Variants in VPS37A observed in about 807,000 individuals in gnomAD.
VPS37A encodes the protein VPS37A subunit of ESCRT-I, also known as vacuolar protein sorting-associated protein 37A.
VPS37A carries 30 observed loss-of-function variants against 49.8 expected under a neutral mutation model. That is an observed-to-expected ratio of 0.60 (90% CI 0.45 to 0.82). The LOEUF (loss-of-function observed/expected upper bound fraction) is 0.82. Ranked by LOEUF, VPS37A falls within the 40% of genes least tolerant of loss-of-function variation. The pLI, the probability that VPS37A is intolerant of heterozygous loss-of-function variation, is 0.00. For missense variants in VPS37A, 593 were observed against 464.4 expected (o/e 1.28, Z -2.55); for synonymous variants, 195 against 160.6 (o/e 1.21, Z -1.62).
chr8:17,268,794 T>C, intron 3 of VPS37A, 62 bp from the exon 4 acceptor site: 1 of 1,120,110 alleles, frequency 8.9e-7, no homozygotes, highest in Non-Finnish European at 1.3e-6. Context: ...GACATTATCC[T>C]AATGAGACTT....
intron 1 of VPS37A, among the ~76,000 whole-genome samples, chr8:17,251,278 C>G (rs1025378369): frequency 6.6e-6 from 1 of 152,190 alleles, no homozygotes; most frequent in African/African-American, 2.4e-5. Context: ...GCAATAGTAA[C>G]AAATGACTGG....
chr8:17,331,532 A>T, the VPS37A span, among the ~76,000 whole-genome samples: 2 of 152,242 alleles, frequency 1.3e-5, no homozygotes, highest in East Asian at 3.8e-4. Context: ...GTCTACTGAT[A>T]AACCCTTCTG....
At position 17,274,175 on chromosome 8, in the gene VPS37A, T is replaced by C. The variant is rs544030589; in HGVS notation, c.417-558T>C. Among the ~76,000 whole-genome samples, 5 of 152,356 alleles carry C rather than the reference T, an allele frequency of 3.3e-5. No homozygotes were observed. The East Asian group carries it at 9.6e-4, about 29-fold the overall frequency. On this transcript the variant is annotated intron_variant, in intron 4 of 11. Transcript: ENST00000324849. The stretch of plus-strand genomic sequence containing the variant: ...TATTGTTCTGTGATTGAATCCAAAG[T>C]ACATAATGCTGTGTGACTCTAATAT...
At chr8:17,263,990 C>A (rs1813205218) in intron 1 of VPS37A, among the ~76,000 whole-genome samples, 1 of 152,152 alleles carries the variant, frequency 6.6e-6, no homozygotes, top group African/African-American at 2.4e-5. Context: ...GAGGGACCAA[C>A]CTCCATGTTC....
intron 4 of VPS37A, among the ~76,000 whole-genome samples, chr8:17,272,970 T>C (rs917613220): frequency 3.3e-5 from 5 of 151,226 alleles, no homozygotes; most frequent in African/African-American, 1.2e-4. Flanking sequence ...AAAATATATA[T>C]AGTATTGTAT....
At chr8:17,268,666 T>A (rs1278789014) in intron 3 of VPS37A, among the ~76,000 whole-genome samples, 190 bp from the exon 4 acceptor site, 1 of 152,174 alleles carries the variant, frequency 6.6e-6, no homozygotes, top group Non-Finnish European at 1.5e-5. Flanking sequence ...TTTAACCTGT[T>A]TACTAATCAC....
rs533516775 is a variant in VPS37A at position 17,296,779 on chromosome 8, A to C, written c.*1793A>C. The C allele has an allele frequency of 3.9e-5, 6 of 152,334 alleles. No individual in the cohort carries two copies. Among genetic ancestry groups the C allele is most frequent in the Non-Finnish European group, 8.8e-5 (6 of 68,014 alleles). The allele number at this position is 152,334 out of a possible 1,614,324, so 9.4% of individuals were successfully genotyped here. A position where few individuals can be genotyped will look rare whatever the true frequency, so the allele number is the denominator to read the frequency against. On this transcript the variant is annotated 3_prime_UTR_variant, in exon 12 of 12. Transcript: ENST00000324849. ...TTTTCTTACAGAGTAAAAATGTTCT[A>C]CATAATCACATGAGTAGTTCATCTC... is the stretch of plus-strand genomic sequence containing the variant.
chr8:17,268,223 T>C (rs1563256688), intron 2 of VPS37A, 35 bp from the exon 3 acceptor site: 2 of 1,434,588 alleles, frequency 1.4e-6, no homozygotes, highest in Non-Finnish European at 1.9e-6. Flanking sequence ...TTTGTTATCT[T>C]TGTTTTTGTT....
chr8:17,312,329 C>A, the VPS37A span, among the ~76,000 whole-genome samples: 1 of 152,134 alleles, frequency 6.6e-6, no homozygotes, highest in African/African-American at 2.4e-5. Flanking sequence ...AATCCCAGCA[C>A]TTTGGGAGGC....
At chr8:17,266,430 G>C (rs974071418) in intron 2 of VPS37A, among the ~76,000 whole-genome samples, 3 of 152,034 alleles carry the variant, frequency 2.0e-5, no homozygotes, top group Non-Finnish European at 1.5e-5. Flanking sequence ...TCATTTTTAA[G>C]AAAAACAAAA....
At chr8:17,333,060 T>C in the VPS37A span, among the ~76,000 whole-genome samples, 2 of 152,118 alleles carry the variant, frequency 1.3e-5, no homozygotes, top group African/African-American at 2.4e-5. Context: ...GGATAAGCCA[T>C]TGCCATAGGA....
the VPS37A span, among the ~76,000 whole-genome samples, chr8:17,319,783 TCTTA>T: frequency 6.6e-6 from 1 of 152,192 alleles, no homozygotes; most frequent in Non-Finnish European, 1.5e-5. Flanking sequence ...CCAGTCTGGC[TCTTA>T]ATTAATGCCT....
the VPS37A span, chr8:17,331,172 G>C: frequency 6.2e-7 from 1 of 1,611,716 alleles, no homozygotes; most frequent in Non-Finnish European, 8.5e-7. Flanking sequence ...TCTGCAGACT[G>C]TTCCTCATGA....
intron 1 of VPS37A, chr8:17,248,261 C>CCT (rs772126223): frequency 0.017 from 6,787 of 395,996 alleles, 1,077 homozygotes; most frequent in Middle Eastern, 0.032. Flanking sequence ...TCCCTAACCC[C>CCT]TTTTTTTTTT....
In VPS37A at chr8:17,246,958, G is replaced by T; in HGVS notation, c.-287G>T. On this transcript the variant is annotated 5_prime_UTR_variant, in exon 1 of 12. Transcript: ENST00000324849. ...GTGACGGCGGCGCGGGTGGTGGAGC[G>T]CTGGGCGGCCAGGCTCCCTGGCTGG... The T allele has an allele frequency of 6.7e-6, 3 of 445,280 alleles. No homozygotes were observed. The highest frequency in any genetic ancestry group is 2.3e-5 in the South Asian group (1 of 44,414). The allele number at this position is 445,280 out of a possible 1,614,324, so 27.6% of individuals were successfully genotyped here.
chr8:17,290,302 A>G (rs1284850792), intron 11 of VPS37A, among the ~76,000 whole-genome samples: 1 of 152,200 alleles, frequency 6.6e-6, no homozygotes, highest in Non-Finnish European at 1.5e-5. Context: ...ATTCAGTATG[A>G]CATTGGCTGT....
chr8:17,331,263 C>T, the VPS37A span: 10 of 1,608,014 alleles, frequency 6.2e-6, no homozygotes, highest in African/African-American at 5.4e-5. Context: ...CCCTGCAGCA[C>T]GATTTGCCAT....
chr8:17,284,943 G>C (rs1286245799), intron 10 of VPS37A, among the ~76,000 whole-genome samples: 2 of 151,810 alleles, frequency 1.3e-5, no homozygotes, highest in Non-Finnish European at 2.9e-5. Context: ...GAGAGTGAGG[G>C]CCTGTACGTG....
rs777653185 is a variant in VPS37A at position 17,282,090 on chromosome 8, G to T, written c.969+1647G>T. 3.4e-4 allele frequency among the ~76,000 whole-genome samples: 51 copies of T among 151,832 alleles called. 1 individual carries two copies. Among genetic ancestry groups the T allele is most frequent in the Non-Finnish European group, 6.2e-4 (42 of 67,874 alleles). ...TTTTTCAGATGGGTAGTCAGGAAGA[G>T]CTTGAACAAAAAGAAAAAATGAAAA... On this transcript the variant is annotated intron_variant, in intron 9 of 11. Coordinates refer to ENST00000324849, the MANE Select transcript of VPS37A (RefSeq NM_152415.3).
Sources: gnomAD v4.1 joint callset for allele counts (sites outside exome capture counted in the v4.1 genomes callset) on GRCh38, gnomAD v4.1.1 for gene constraint, MANE v1.5 for transcripts, NCBI Gene and HGNC (gene_info 2026-07-23, HGNC 2026-07-21) for gene names.